The following RNF180 variants were observed in gnomAD, a reference collection of about 807,000 sequenced individuals.
RNF180 encodes E3 ubiquitin-protein ligase RNF180.
RNF180 carries 38 observed loss-of-function variants against 59.2 expected under a neutral mutation model. The ratio of observed to expected loss-of-function variants is 0.64; its 90% CI spans 0.50 to 0.84. RNF180 has a LOEUF of 0.84. RNF180 is among the 40% of genes least tolerant of loss of function. RNF180 has a pLI of 0.00. For missense variants in RNF180, 705 were observed against 700.9 expected (o/e 1.01, Z -0.07); for synonymous variants, 262 against 240.3 (o/e 1.09, Z -0.84).
chr5:64,283,378 A>G (rs564218053), intron 5 of RNF180, among the ~76,000 whole-genome samples: 2 of 151,214 alleles, frequency 1.3e-5, no homozygotes, highest in South Asian at 4.2e-4. Flanking sequence ...TGGATATAAG[A>G]TGGGTCTCTT....
At chr5:64,328,004 C>T (rs1744728567) in intron 6 of RNF180, among the ~76,000 whole-genome samples, 1 of 151,660 alleles carries the variant, frequency 6.6e-6, no homozygotes, top group Non-Finnish European at 1.5e-5. Context: ...TGAACTGATT[C>T]CTTTATTGTA....
chr5:64,185,950 C>G (rs1349723091), intron 1 of RNF180, among the ~76,000 whole-genome samples: 2 of 152,176 alleles, frequency 1.3e-5, no homozygotes, highest in African/African-American at 4.8e-5. Flanking sequence ...GTAAAACTCT[C>G]TTTTGGGGAA....
chr5:64,270,401 C>A (rs1378912861), intron 5 of RNF180, among the ~76,000 whole-genome samples: 1 of 152,152 alleles, frequency 6.6e-6, no homozygotes, highest in African/African-American at 2.4e-5. Context: ...AAACAATAAG[C>A]AAACCACTGC....
chr5:64,189,672 T>C (rs1378886119), intron 1 of RNF180, among the ~76,000 whole-genome samples: 1 of 152,132 alleles, frequency 6.6e-6, no homozygotes, highest in Non-Finnish European at 1.5e-5. Context: ...AATTTTAAGC[T>C]AAAGGGAACC....
chr5:64,313,633 A>G (rs1743892233), intron 5 of RNF180, among the ~76,000 whole-genome samples: 1 of 152,088 alleles, frequency 6.6e-6, no homozygotes, highest in South Asian at 2.1e-4. Flanking sequence ...ATGTGTCTTC[A>G]TGGTAGAACA....
At chr5:64,192,903 GTATATATATATATATATATA>G (rs70983610) in intron 1 of RNF180, among the ~76,000 whole-genome samples, 9 of 93,870 alleles carry the variant, frequency 9.6e-5, no homozygotes, top group East Asian at 4.8e-4. Flanking sequence ...AGTGTGGCAT[GTATATATATATATATATATA>G]TATATATATA....
intron 5 of RNF180, among the ~76,000 whole-genome samples, chr5:64,313,850 A>G (rs1227789393): frequency 6.6e-6 from 1 of 151,952 alleles, no homozygotes; most frequent in Non-Finnish European, 1.5e-5. Context: ...AGCCATTCTG[A>G]CTGTTGTGAA....
chr5:64,193,601 C>T (rs1048504344), intron 1 of RNF180, among the ~76,000 whole-genome samples: 4 of 152,114 alleles, frequency 2.6e-5, no homozygotes, highest in Non-Finnish European at 4.4e-5. Flanking sequence ...TTATGAAAGT[C>T]GTCTTTAGCA....
chr5:64,186,552 G>T (rs1750883676), intron 1 of RNF180, among the ~76,000 whole-genome samples: 1 of 152,044 alleles, frequency 6.6e-6, no homozygotes, highest in African/African-American at 2.4e-5. Flanking sequence ...TGCTTTCATA[G>T]CACGTGTCTT....
intron 7 of RNF180, among the ~76,000 whole-genome samples, chr5:64,342,371 C>T (rs551862670): frequency 6.6e-6 from 1 of 152,192 alleles, no homozygotes; most frequent in Non-Finnish European, 1.5e-5. Context: ...GGGCAGAGGA[C>T]TCTATGAAGG....
At chr5:64,361,165 G>A (rs78808121) in intron 7 of RNF180, among the ~76,000 whole-genome samples, 2,462 of 151,134 alleles carry the variant, frequency 0.016, 32 homozygotes, top group Non-Finnish European at 0.027. Flanking sequence ...ACACAAACCA[G>A]GTAAAAGTGT....
At position 64,273,969 on chromosome 5, in the gene RNF180, A is replaced by G. The variant is rs368307517; in HGVS notation, c.1228-51217A>G. On this transcript the variant is annotated intron_variant, in intron 5 of 7. Coordinates refer to ENST00000389100, the MANE Select transcript of RNF180 (RefSeq NM_001113561.2). ...TTGACACTAGAGTTGAGAACTGCCA[A>G]TCTAAAAGAGTTCAATTTAGTTTAG... is the stretch of plus-strand genomic sequence containing the variant. Among the ~76,000 whole-genome samples, 4 of 152,088 alleles carry G rather than the reference A, an allele frequency of 2.6e-5. No individual in the cohort carries two copies. The East Asian group carries it at 5.8e-4, about 22-fold the overall frequency.
At chr5:64,276,170 T>C (rs1024409950) in intron 5 of RNF180, among the ~76,000 whole-genome samples, 5 of 152,096 alleles carry the variant, frequency 3.3e-5, no homozygotes, top group African/African-American at 1.2e-4. Context: ...AATCATGGGC[T>C]TCTGAAAATC....
chr5:64,314,491 GCTTT>G (rs1743937611), intron 5 of RNF180, among the ~76,000 whole-genome samples: 1 of 151,924 alleles, frequency 6.6e-6, no homozygotes, highest in Admixed American at 6.6e-5. Context: ...TCAAATCTTT[GCTTT>G]CTGTTTCCTA....
At chr5:64,335,495 G>T (rs1181862920) in intron 7 of RNF180, among the ~76,000 whole-genome samples, 3 of 150,002 alleles carry the variant, frequency 2.0e-5, no homozygotes, top group African/African-American at 7.3e-5. Context: ...TGTAGGTAGA[G>T]ACCCAGTTTC....
At chr5:64,257,377 A>G (rs571853179) in intron 5 of RNF180, among the ~76,000 whole-genome samples, 4 of 152,332 alleles carry the variant, frequency 2.6e-5, no homozygotes, top group African/African-American at 9.6e-5. Context: ...GATATGTTCC[A>G]TCAATACATA....
chr5:64,252,511 A>C (rs188013956), intron 5 of RNF180, among the ~76,000 whole-genome samples: 2 of 152,196 alleles, frequency 1.3e-5, no homozygotes, highest in Non-Finnish European at 1.5e-5. Flanking sequence ...ATAATTATAT[A>C]TACTACAAAT....
intron 5 of RNF180, among the ~76,000 whole-genome samples, chr5:64,321,049 G>C (rs1397749134): frequency 6.6e-6 from 1 of 151,652 alleles, no homozygotes; most frequent in Non-Finnish European, 1.5e-5. Flanking sequence ...AAAAAAAAAA[G>C]GGAAAGAAAA....
Position 64,213,576 on chromosome 5 carries a change from AAACTG to A in RNF180, c.253_257del (p.Asn86SerfsTer11), listed in dbSNP as rs750783386. The A allele has an allele frequency of 1.2e-6, 2 of 1,612,978 alleles. No individual in the cohort carries two copies. Among genetic ancestry groups the A allele is most frequent in the African/African-American group, 2.7e-5 (2 of 74,874 alleles). ...CCTGTAGGCCCAGTGGACAGTTGGA[AAACTG>A]AATTGTCCTTTCTGTGGGGCCCGTT... On this transcript the variant is annotated frameshift_variant, in exon 4 of 8. Transcript: ENST00000389100. LOFTEE classifies it high-confidence loss of function.
Sources: allele counts gnomAD v4.1 joint callset (sites outside exome capture counted in the v4.1 genomes callset), GRCh38; gene constraint gnomAD v4.1.1; transcripts MANE v1.5; gene names NCBI Gene and HGNC (gene_info 2026-07-23, HGNC 2026-07-21).